The following RBFOX3 variants were observed in gnomAD, a reference collection of about 807,000 sequenced individuals.
RBFOX3 encodes the protein RNA binding fox-1 homolog 3, also known as RNA binding protein fox-1 homolog 3.
In RBFOX3, 17 loss-of-function variants were observed where a neutral mutation model predicts 48.7. That is an observed-to-expected ratio of 0.35 (90% CI 0.24 to 0.52). The LOEUF (loss-of-function observed/expected upper bound fraction) is 0.52, where lower values mean the gene tolerates loss of function less well. Among genes scored for constraint, RBFOX3 ranks in the 20% least tolerant of loss-of-function variants. The probability of loss-of-function intolerance (pLI) is 0.94; values close to 1 mark genes in which losing one functional copy is unlikely to be tolerated. For synonymous variants in RBFOX3, 212 were observed against 209.5 expected (o/e 1.01, Z -0.10); for missense variants, 382 against 497.5 (o/e 0.77, Z 2.21).
At chr17:79,228,575 A>T (rs1465838600) in intron 4 of RBFOX3, among the ~76,000 whole-genome samples, 1 of 152,164 alleles carries the variant, frequency 6.6e-6, no homozygotes, top group African/African-American at 2.4e-5. Flanking sequence ...CCAGAAAGCC[A>T]AGGGAGGCAC....
chr17:79,406,208 G>A (rs551090448), intron 2 of RBFOX3, among the ~76,000 whole-genome samples: 11 of 152,232 alleles, frequency 7.2e-5, no homozygotes, highest in African/African-American at 2.6e-4. Context: ...CATTCTTTAT[G>A]TTGCTTTAGA....
intron 1 of RBFOX3, among the ~76,000 whole-genome samples, chr17:79,548,477 C>G (rs2090768127): frequency 6.6e-6 from 1 of 152,262 alleles, no homozygotes; most frequent in Non-Finnish European, 1.5e-5. Context: ...GCCACCACCC[C>G]CAAAGCCTGT....
At position 79,204,284 on chromosome 17, in the gene RBFOX3, C is replaced by T. The variant is rs911750648; in HGVS notation, c.-34+31482G>A. Among the ~76,000 whole-genome samples the T allele has an allele frequency of 3.3e-5, 5 of 152,128 alleles. No individual in the cohort carries two copies. Among genetic ancestry groups the T allele is most frequent in the Non-Finnish European group, 4.4e-5 (3 of 67,984 alleles). ...ATACACACCAGTGGACGCCGGGGAG[C>T]GGACACACACCAGCGGGCGCCGGGG... On this transcript the variant is annotated intron_variant, in intron 4 of 14. Coordinates refer to ENST00000693108, the MANE Select transcript of RBFOX3 (RefSeq NM_001350451.2). The surrounding 1 kb of genome is among the most constrained non-coding windows in gnomAD (Gnocchi z 4.5).
intron 1 of RBFOX3, among the ~76,000 whole-genome samples, chr17:79,590,310 A>T (rs1447618153): frequency 6.6e-6 from 1 of 152,222 alleles, no homozygotes; most frequent in African/African-American, 2.4e-5. Context: ...AGGGGGCTAG[A>T]TGGAGGCAAA....
intron 4 of RBFOX3, among the ~76,000 whole-genome samples, chr17:79,185,013 C>T (rs1039766590): frequency 2.6e-5 from 4 of 152,196 alleles, no homozygotes; most frequent in African/African-American, 9.6e-5. Context: ...AGAAGGGTGG[C>T]CTCTCCACGC....
Position 79,390,879 on chromosome 17 carries a change from C to T in RBFOX3, c.-174-83055G>A, listed in dbSNP as rs563333846. On this transcript the variant is annotated intron_variant, in intron 2 of 14. Transcript: ENST00000693108. This position sits in a 1 kb window ranked among gnomAD's most constrained non-coding sequence, Gnocchi z 4.2. ...GAGGCACCTTCCTGCCCAGACACCT[C>T]GGGATGAGCCCCTGGTGGGACTGCT... Among the ~76,000 whole-genome samples the T allele has an allele frequency of 3.2e-4, 49 of 152,304 alleles. No homozygotes were observed. Among genetic ancestry groups the T allele is most frequent in the African/African-American group, 1.1e-3 (46 of 41,574 alleles).
At chr17:79,123,333 T>G (rs1220805707) in intron 4 of RBFOX3, among the ~76,000 whole-genome samples, 2 of 152,170 alleles carry the variant, frequency 1.3e-5, no homozygotes, top group African/African-American at 4.8e-5. Flanking sequence ...CATAAATATA[T>G]ACACCTACTA....
chr17:79,314,170 G>A (rs900261404), intron 2 of RBFOX3, among the ~76,000 whole-genome samples: 7 of 152,174 alleles, frequency 4.6e-5, no homozygotes, highest in Non-Finnish European at 7.3e-5. Context: ...TACTAAAAGG[G>A]CTTTACGTTT....
At chr17:79,463,576 C>G (rs1294633505) in intron 2 of RBFOX3, among the ~76,000 whole-genome samples, 2 of 148,334 alleles carry the variant, frequency 1.3e-5, no homozygotes, top group South Asian at 2.2e-4. Flanking sequence ...CCACCATCGC[C>G]ACTGCCACCG....
At chr17:79,129,144 A>C (rs536922023) in intron 4 of RBFOX3, among the ~76,000 whole-genome samples, 115 of 152,286 alleles carry the variant, frequency 7.6e-4, no homozygotes, top group African/African-American at 2.6e-3. Flanking sequence ...GCTGCTGATG[A>C]TGATAATTAG....
chr17:79,604,632 C>T (rs1267444512), intron 1 of RBFOX3, among the ~76,000 whole-genome samples: 1 of 152,154 alleles, frequency 6.6e-6, no homozygotes, highest in African/African-American at 2.4e-5. Flanking sequence ...TTGATGTAAT[C>T]CAGGAGAGAA....
intron 2 of RBFOX3, among the ~76,000 whole-genome samples, chr17:79,398,542 T>C (rs997389187): frequency 2.0e-5 from 3 of 151,238 alleles, no homozygotes; most frequent in Non-Finnish European, 2.9e-5. Context: ...TCTGGAGACA[T>C]TGTTGGTCAT....
chr17:79,574,012 T>C (rs1233831756), intron 1 of RBFOX3, among the ~76,000 whole-genome samples: 2 of 152,062 alleles, frequency 1.3e-5, no homozygotes, highest in African/African-American at 2.4e-5. Context: ...CCCCCAGGGG[T>C]GGGCTGCCCA....
chr17:79,097,445 G>C, intron 10 of RBFOX3, 21 bp from the exon 11 acceptor site: 1 of 1,533,348 alleles, frequency 6.5e-7, no homozygotes, highest in Non-Finnish European at 8.8e-7. Flanking sequence ...CGGGGCCCGA[G>C]ACACGTGTGA....
At chr17:79,218,788 G>A (rs558180371) in intron 4 of RBFOX3, among the ~76,000 whole-genome samples, 81 of 152,298 alleles carry the variant, frequency 5.3e-4, no homozygotes, top group Non-Finnish European at 7.2e-4. Flanking sequence ...GACACATCAG[G>A]GCATTCTTGG....
At chr17:79,463,709 A>C (rs2075895096) in intron 2 of RBFOX3, among the ~76,000 whole-genome samples, 1 of 141,744 alleles carries the variant, frequency 7.1e-6, no homozygotes, top group Non-Finnish European at 1.5e-5. Flanking sequence ...CACCACTGCC[A>C]CCTCCACCGC....
At chr17:79,112,692 G>C (rs1355126190) in intron 5 of RBFOX3, among the ~76,000 whole-genome samples, 1 of 152,056 alleles carries the variant, frequency 6.6e-6, no homozygotes. Context: ...CAGTGGGGTG[G>C]GTGATGTGGG....
chr17:79,112,904 C>CGGCGGGGGGGGGGGGGGGGGG (rs1307784460), intron 5 of RBFOX3, among the ~76,000 whole-genome samples: 1 of 10,358 alleles, frequency 9.7e-5, no homozygotes, highest in Non-Finnish European at 2.0e-4. Context: ...AGCAGGCTCT[C>CGGCGGGGGGGGGGGGGGGGGG]GGGGGGGGGG....
chr17:79,324,860 A>T (rs57146709), intron 2 of RBFOX3, among the ~76,000 whole-genome samples: 20,912 of 152,196 alleles, frequency 0.14, 1,504 homozygotes, highest in African/African-American at 0.16. Context: ...AAGCAGGAAG[A>T]GGGCTGAAGA....
Sources: gnomAD v4.1 joint callset for allele counts (sites outside exome capture counted in the v4.1 genomes callset) on GRCh38, gnomAD v4.1.1 for gene constraint, Gnocchi (gnomAD v3.1) non-coding constraint, MANE v1.5 for transcripts, NCBI Gene and HGNC (gene_info 2026-07-23, HGNC 2026-07-21) for gene names.